The following SH2D3C variants were observed in gnomAD, a reference collection of about 807,000 sequenced individuals.
SH2D3C encodes SH2 domain-containing protein 3C.
Under a neutral mutation model 75.2 loss-of-function variants are expected in SH2D3C, and 25 were observed. The observed-to-expected ratio is 0.33, with a 90% CI of 0.24 to 0.46. The LOEUF is 0.46. Ranked by LOEUF, SH2D3C falls within the 20% of genes least tolerant of loss-of-function variation. The pLI is 1.00. For missense variants in SH2D3C, 933 were observed against 1,165.3 expected, an observed-to-expected ratio of 0.80 and a Z score of 2.90; for synonymous variants, 450 against 473.7, an observed-to-expected ratio of 0.95 and a Z score of 0.65.
chr9:127,747,220 C>T lies in SH2D3C; in HGVS notation c.1191G>A (p.Met397Ile), dbSNP rs1845056393. Residue 397 changes from methionine to isoleucine, a missense_variant, in exon 6 of 12, where the codon ATG (methionine) becomes ATA (isoleucine). Physicochemically the swap from Met to Ile is conservative, Grantham distance 10. Coordinates refer to ENST00000314830, the MANE Select transcript of SH2D3C (RefSeq NM_170600.3). ...GTGAGTGCAGGTCTGGGATCTGGTC[C>T]ATGCTGAGGGCACAGCTGCGGATGG... is the stretch of plus-strand genomic sequence containing the variant. ...RDSIRSCALS[M>I]DQIPDLHSPM... 1 of 1,613,834 alleles carries T rather than the reference C, an allele frequency of 6.2e-7. No individual in the cohort carries two copies. The highest frequency in any genetic ancestry group is 1.7e-5 in the Admixed American group (1 of 60,002).
Position 127,749,537 on chromosome 9 carries a change from C to T in SH2D3C, c.813G>A (p.Val271=), listed in dbSNP as rs1423443836. The T allele has an allele frequency of 1.2e-6, 2 of 1,612,070 alleles. No homozygotes were observed. The highest frequency in any genetic ancestry group is 2.7e-5 in the African/African-American group (2 of 74,308). ...GTGTGTAGCTCTCGCCTGCCTTCAC[C>T]ACCACCTTGTTGATCTTGAAGTGCA... The part of the protein sequence containing the change: ...QALHFKINKV[V]VKAGESYTHI... Residue 271 remains valine, a synonymous_variant, in exon 5 of 12, where the codon GTG becomes GTA. Coordinates refer to ENST00000314830, the MANE Select transcript of SH2D3C (RefSeq NM_170600.3). This position sits in a 1 kb window ranked among gnomAD's most constrained non-coding sequence, Gnocchi z 5.9.
At position 127,749,228 on chromosome 9, in the gene SH2D3C, G is replaced by T; in HGVS notation, c.1122C>A (p.Ser374Arg). 1.3e-6 allele frequency: 2 copies of T among 1,560,904 alleles called. No individual in the cohort carries two copies. Residue 374 changes from serine (S) to arginine (R), a missense_variant, in exon 5 of 12, where the codon AGC (serine) becomes AGA (arginine). Transcript: ENST00000314830. This position sits in a 1 kb window ranked among gnomAD's most constrained non-coding sequence, Gnocchi z 5.9. ...TGGCTGACCTGGTGGGGCAGCCATC[G>T]CTGCGGGTGACCTTGTCAGCAGTGA... ...DGLTADKVTR[S>R]DGCPTSTSLP...
chr9:127,756,767 C>T (rs1845392200), intron 3 of SH2D3C, among the ~76,000 whole-genome samples: 1 of 151,166 alleles, frequency 6.6e-6, no homozygotes, highest in African/African-American at 2.4e-5. Context: ...GCCTCAGCCT[C>T]TCCGAGTAGC....
In SH2D3C at chr9:127,754,587, C is replaced by A. The variant is rs1845303714; in HGVS notation, c.556-3287G>T. Among the ~76,000 whole-genome samples, 1 of 152,168 alleles carries A rather than the reference C, an allele frequency of 6.6e-6. No homozygotes were observed. The highest frequency in any genetic ancestry group is 1.5e-5 in the Non-Finnish European group (1 of 67,994). ...GCGCCCCAGGCATGTCCAAGCCCACCTAGAGGGCGGGAGGGTGGCGGGCGC... is the reference window on the plus strand; with the variant it reads ...GCGCCCCAGGCATGTCCAAGCCCACATAGAGGGCGGGAGGGTGGCGGGCGC... On this transcript the variant is annotated intron_variant, in intron 3 of 11. Transcript: ENST00000314830. The surrounding 1 kb of genome is among the most constrained non-coding windows in gnomAD (Gnocchi z 4.4).
chr9:127,747,518 G>A (rs1188693769), intron 5 of SH2D3C, among the ~76,000 whole-genome samples: 1 of 151,800 alleles, frequency 6.6e-6, no homozygotes, highest in African/African-American at 2.4e-5. Flanking sequence ...TTCTTTTTTT[G>A]TCTTTTTTCT....
In SH2D3C at chr9:127,742,925, G is replaced by C; in HGVS notation, c.1840C>G (p.Leu614Val). The C allele has an allele frequency of 6.2e-7, 1 of 1,613,964 alleles. No individual in the cohort carries two copies. Among genetic ancestry groups the C allele is most frequent in the Non-Finnish European group, 8.5e-7 (1 of 1,179,910 alleles). The change falls in exon 8 of 12, where the codon CTA (leucine) becomes GTA (valine). Residue 614 changes from leucine to valine, a missense_variant. By Grantham distance (32) the Leu-to-Val change is conservative. Coordinates refer to ENST00000314830, the MANE Select transcript of SH2D3C (RefSeq NM_170600.3). ...ILGVTKEMQT[L>V]MGVRWGMELL... ...TCCATGCCCCAGCGGACTCCCATTA[G>C]GGTCTGCATCTCCTTGGTAACGCCC... is the stretch of plus-strand genomic sequence containing the variant.
chr9:127,755,266 G>C (rs1262084559), intron 3 of SH2D3C: 1 of 1,163,422 alleles, frequency 8.6e-7, no homozygotes, highest in African/African-American at 1.6e-5. Context: ...GCCTCTCAGC[G>C]GCGCGATTAC....
chr9:127,777,263 C>T (rs918762326), intron 1 of SH2D3C, among the ~76,000 whole-genome samples: 2 of 152,170 alleles, frequency 1.3e-5, no homozygotes, highest in African/African-American at 2.4e-5. Context: ...CTGGGAAGGA[C>T]AGACACAGGA....
chr9:127,744,948 G>A lies in SH2D3C; in HGVS notation c.1416C>T (p.Ser472=), dbSNP rs1844978944. 6.3e-7 allele frequency: 1 copy of A among 1,575,626 alleles called. No individual in the cohort carries two copies. Among genetic ancestry groups the A allele is most frequent in the Non-Finnish European group, 8.6e-7 (1 of 1,158,424 alleles). ...ESDKGPHTSP[S]HTLGKASPSP... ...ACGGGGAGGCCTTGCCAAGGGTGTGGGAGGGGCTGGTGTGGGGGCCCTTGT... is the reference window on the plus strand; with the variant it reads ...ACGGGGAGGCCTTGCCAAGGGTGTGAGAGGGGCTGGTGTGGGGGCCCTTGT... Residue 472 remains serine, a synonymous_variant, in exon 7 of 12, where the codon TCC becomes TCT. Coordinates refer to ENST00000314830, the MANE Select transcript of SH2D3C (RefSeq NM_170600.3).
At position 127,751,383 on chromosome 9, in the gene SH2D3C, ACTC is replaced by A; in HGVS notation, c.556-86_556-84del. On this transcript the variant is annotated intron_variant, in intron 3 of 11. Coordinates refer to ENST00000314830, the MANE Select transcript of SH2D3C (RefSeq NM_170600.3). This position sits in a 1 kb window ranked among gnomAD's most constrained non-coding sequence, Gnocchi z 4.1. ...CCCAACTTCATTCTACCATGGATGA[ACTC>A]CTCCTATCCTGGGACTCTGGGAACA... 1 of 1,357,346 alleles carries A rather than the reference ACTC, an allele frequency of 7.4e-7. No individual in the cohort carries two copies. Among genetic ancestry groups the A allele is most frequent in the Non-Finnish European group, 1.0e-6 (1 of 965,196 alleles). The allele number at this position is 1,357,346 out of a possible 1,614,324, so 84.1% of individuals were successfully genotyped here.
In SH2D3C at chr9:127,751,440, A is replaced by G. The variant is rs1845199280; in HGVS notation, c.556-140T>C. Reference sequence around the variant, plus strand: ...AGGCACAGGTGCCAGACCCTTTCCCATGGGTCCCAGAAAGAGTAAAGAAAT... The same window carrying G: ...AGGCACAGGTGCCAGACCCTTTCCCGTGGGTCCCAGAAAGAGTAAAGAAAT... On this transcript the variant is annotated intron_variant, in intron 3 of 11. Coordinates refer to ENST00000314830, the MANE Select transcript of SH2D3C (RefSeq NM_170600.3). This position sits in a 1 kb window ranked among gnomAD's most constrained non-coding sequence, Gnocchi z 4.1. The G allele has an allele frequency of 5.1e-6, 4 of 785,156 alleles. No individual in the cohort carries two copies. The highest frequency in any genetic ancestry group is 1.6e-5 in the South Asian group (1 of 60,962). The allele number at this position is 785,156 out of a possible 1,614,324, so 48.6% of individuals were successfully genotyped here. A position where few individuals can be genotyped will look rare whatever the true frequency, so the allele number is the denominator to read the frequency against.
chr9:127,774,566 G>A lies in SH2D3C; in HGVS notation c.38-99C>T. 2.9e-6 allele frequency: 2 copies of A among 695,814 alleles called. No individual in the cohort carries two copies. Among genetic ancestry groups the A allele is most frequent in the Non-Finnish European group, 5.0e-6 (2 of 397,394 alleles). The allele number at this position is 695,814 out of a possible 1,614,324, so 43.1% of individuals were successfully genotyped here. A position where few individuals can be genotyped will look rare whatever the true frequency, so the allele number is the denominator to read the frequency against. On this transcript the variant is annotated intron_variant, in intron 1 of 11. Coordinates refer to ENST00000314830, the MANE Select transcript of SH2D3C (RefSeq NM_170600.3). The surrounding 1 kb of genome is among the most constrained non-coding windows in gnomAD (Gnocchi z 4.3). ...CAGTTTCACTCGGTGAGGGGCTGAA[G>A]AGGGCTGGCGGTTTCCCAGACACCC...
rs1487521657 is a variant in SH2D3C, at chr9:127,742,078, T to A, written c.1917-119A>T. On this transcript the variant is annotated intron_variant, in intron 8 of 11. Coordinates refer to ENST00000314830, the MANE Select transcript of SH2D3C (RefSeq NM_170600.3). ...GGAGGGCGGAGCCAACGTGAGAGGT[T>A]GTAAGGGTCAATGGGATAAGGGGGC... The A allele has an allele frequency of 3.4e-5, 33 of 960,986 alleles. No individual in the cohort carries two copies. In the Admixed American group the frequency reaches 9.1e-4, roughly 27 times the overall value. The allele number at this position is 960,986 out of a possible 1,614,324, so 59.5% of individuals were successfully genotyped here.
Position 127,741,849 on chromosome 9 carries a change from C to T in SH2D3C, c.2027G>A (p.Arg676Gln), listed in dbSNP as rs751422671. 6 of 1,613,410 alleles carry T rather than the reference C, an allele frequency of 3.7e-6. No homozygotes were observed. Among genetic ancestry groups the T allele is most frequent in the Non-Finnish European group, 4.2e-6 (5 of 1,180,030 alleles). ...HKTIQLAAEL[R>Q]GTMGNMFSFA... ...GCTGAACATGTTGCCCATAGTCCCC[C>T]GCAGCTCGGCCGCCAGCTGAATGGT... Residue 676 changes from arginine to glutamine, a missense_variant, in exon 9 of 12, where the codon CGG (arginine) becomes CAG (glutamine). Coordinates refer to ENST00000314830, the MANE Select transcript of SH2D3C (RefSeq NM_170600.3).
At chr9:127,745,876 A>G (rs1845015851) in intron 6 of SH2D3C, among the ~76,000 whole-genome samples, 1 of 152,184 alleles carries the variant, frequency 6.6e-6, no homozygotes, top group African/African-American at 2.4e-5. Context: ...CAGTAAAACC[A>G]TCATCAAACC....
At chr9:127,742,777 C>T in intron 8 of SH2D3C, 72 bp downstream of exon 8, 3 of 1,233,982 alleles carry the variant, frequency 2.4e-6, no homozygotes, top group Non-Finnish European at 3.4e-6. Flanking sequence ...GATTGGCCAA[C>T]CCGCCCCGTC....
intron 2 of SH2D3C, 78 bp from the exon 3 acceptor site, chr9:127,761,728 G>GTGCT: frequency 1.6e-6 from 2 of 1,286,524 alleles, no homozygotes; most frequent in Non-Finnish European, 2.2e-6. Flanking sequence ...TGCCTGCCTG[G>GTGCT]GGCCAGCACC....
chr9:127,762,326 A>G, intron 2 of SH2D3C: 1 of 1,300,446 alleles, frequency 7.7e-7, no homozygotes, highest in Non-Finnish European at 1.0e-6. Flanking sequence ...ATGGCCTTAA[A>G]TGCTACCCCT....
At chr9:127,752,069 T>C (rs1241291119) in intron 3 of SH2D3C, among the ~76,000 whole-genome samples, 1 of 152,042 alleles carries the variant, frequency 6.6e-6, no homozygotes, top group Non-Finnish European at 1.5e-5. Flanking sequence ...CTGAGGGAGA[T>C]AATGTCCAGT....
Sources: allele counts gnomAD v4.1 joint callset (sites outside exome capture counted in the v4.1 genomes callset), GRCh38; gene constraint gnomAD v4.1.1; non-coding constraint Gnocchi (gnomAD v3.1); transcripts MANE v1.5; gene names NCBI Gene and HGNC (gene_info 2026-07-23, HGNC 2026-07-21).